The following PLEKHA5 variants were observed in gnomAD, a reference collection of about 807,000 sequenced individuals.
PLEKHA5 encodes the protein pleckstrin homology domain containing A5, also known as pleckstrin homology domain-containing family A member 5.
In PLEKHA5, 55 loss-of-function variants were observed where a neutral mutation model predicts 181.9. That is an observed-to-expected ratio of 0.30 (90% CI 0.24 to 0.38). The LOEUF is 0.38. PLEKHA5 is among the 10% of genes least tolerant of loss of function. The pLI is 1.00. For synonymous variants in PLEKHA5, 535 were observed against 529.4 expected (o/e 1.01, Z -0.15); for missense variants, 1,432 against 1,549.5 (o/e 0.92, Z 1.27).
rs528612387 is a variant in PLEKHA5 at position 19,270,153 on chromosome 12, C to T, written c.828-35C>T. ...GGTGTACTGGGGTGAATCCAGAATC[C>T]TAACATTCAAACTGAATGTTCTTTC... On this transcript the variant is annotated intron_variant, in intron 9 of 31. Coordinates refer to ENST00000429027, the MANE Select transcript of PLEKHA5 (RefSeq NM_001256470.2). 9.6e-6 allele frequency: 13 copies of T among 1,360,526 alleles called. No individual in the cohort carries two copies. The East Asian group carries it at 2.6e-4, about 27-fold the overall frequency. 84.3% of individuals were successfully genotyped at this position (1,360,526 alleles called of 1,614,324 possible).
chr12:19,133,890 A>C (rs1435980862), intron 3 of PLEKHA5, among the ~76,000 whole-genome samples: 3 of 152,010 alleles, frequency 2.0e-5, no homozygotes, highest in Non-Finnish European at 4.4e-5. Flanking sequence ...AAGTGAGTTG[A>C]TATTGCCACG....
chr12:19,362,551 A>G (rs911587022), intron 29 of PLEKHA5, among the ~76,000 whole-genome samples: 1 of 152,028 alleles, frequency 6.6e-6, no homozygotes, highest in Admixed American at 6.6e-5. Context: ...AAGGAAAAAA[A>G]AAGAAAATAC....
chr12:19,183,584 A>G (rs1384797251), intron 3 of PLEKHA5, among the ~76,000 whole-genome samples: 1 of 152,192 alleles, frequency 6.6e-6, no homozygotes, highest in African/African-American at 2.4e-5. Context: ...ACTGAGAAGC[A>G]AGTGGTTTGG....
chr12:19,169,540 C>G (rs952602547), intron 3 of PLEKHA5, among the ~76,000 whole-genome samples: 2 of 152,208 alleles, frequency 1.3e-5, no homozygotes, highest in Non-Finnish European at 2.9e-5. Flanking sequence ...TGAGAACAAG[C>G]TACCACATTA....
At chr12:19,260,721 A>C (rs568875382) in intron 6 of PLEKHA5, among the ~76,000 whole-genome samples, 40 of 152,128 alleles carry the variant, frequency 2.6e-4, no homozygotes, top group African/African-American at 8.4e-4. Flanking sequence ...TTAACCTGGC[A>C]TGGTGGCAGG....
chr12:19,354,485 G>A (rs1400847184), intron 26 of PLEKHA5, among the ~76,000 whole-genome samples: 6 of 109,580 alleles, frequency 5.5e-5, no homozygotes, highest in Admixed American at 2.9e-4. Flanking sequence ...AAAAAAAATT[G>A]TTTTTTTTTT....
intron 3 of PLEKHA5, chr12:19,201,355 T>C (rs1448805651): frequency 6.6e-6 from 1 of 152,040 alleles, no homozygotes; most frequent in African/African-American, 2.4e-5. Flanking sequence ...TTGCGGAGAA[T>C]GTGGAGAAAC....
chr12:19,217,955 G>A (rs999382093), intron 3 of PLEKHA5, among the ~76,000 whole-genome samples: 4 of 152,132 alleles, frequency 2.6e-5, no homozygotes, highest in African/African-American at 9.7e-5. Flanking sequence ...AAAATACAGT[G>A]TTTAAAACAA....
chr12:19,358,476 T>C, intron 27 of PLEKHA5, 39 bp downstream of exon 27: 1 of 1,365,784 alleles, frequency 7.3e-7, no homozygotes, highest in Non-Finnish European at 1.0e-6. Context: ...TGTGTAAATC[T>C]AGTATCACTG....
intron 18 of PLEKHA5, among the ~76,000 whole-genome samples, chr12:19,321,893 T>C (rs749267428): frequency 6.6e-6 from 1 of 152,184 alleles, no homozygotes; most frequent in Non-Finnish European, 1.5e-5. Flanking sequence ...TGAAATTTTA[T>C]TAGAATACTT....
Position 19,306,973 on chromosome 12 carries a change from C to CA in PLEKHA5, c.2038-7840dup, listed in dbSNP as rs1565596257. The CA allele has an allele frequency of 2.2e-6, 3 of 1,381,588 alleles. No homozygotes were observed. The Admixed American group carries it at 5.3e-5, about 25-fold the overall frequency. 85.6% of individuals were successfully genotyped at this position (1,381,588 alleles called of 1,614,324 possible). A position where few individuals can be genotyped will look rare whatever the true frequency, so the allele number is the denominator to read the frequency against. On this transcript the variant is annotated intron_variant, in intron 15 of 31. Coordinates refer to ENST00000429027, the MANE Select transcript of PLEKHA5 (RefSeq NM_001256470.2). ...CCTGCCTACTCCTAACCCACTTACT[C>CA]AGACTGGCGCTGTTCCACCGGCTGC...
At chr12:19,163,159 G>A (rs1298692828) in intron 3 of PLEKHA5, among the ~76,000 whole-genome samples, 1 of 151,806 alleles carries the variant, frequency 6.6e-6, no homozygotes, top group Non-Finnish European at 1.5e-5. Flanking sequence ...TAGTTAACCA[G>A]GATCCAGAAT....
intron 3 of PLEKHA5, among the ~76,000 whole-genome samples, chr12:19,241,527 C>T (rs952850407): frequency 6.6e-5 from 10 of 152,072 alleles, no homozygotes; most frequent in South Asian, 2.1e-4. Flanking sequence ...GAAGCCGAGG[C>T]GGGCGGATCA....
chr12:19,287,531 G>A lies in PLEKHA5; in HGVS notation c.1838G>A (p.Ser613Asn). 1.9e-6 allele frequency: 3 copies of A among 1,604,764 alleles called. No individual in the cohort carries two copies. Among genetic ancestry groups the A allele is most frequent in the Non-Finnish European group, 2.6e-6 (3 of 1,172,326 alleles). The change falls in exon 13 of 32, where the codon AGT (serine) becomes AAT (asparagine). Residue 613 changes from serine (S) to asparagine (N), a missense_variant. By Grantham distance (46) the Ser-to-Asn change is conservative. This residue lies in a region of PLEKHA5 where 1,143 missense variants were observed against 1,168.4 expected (regional missense o/e 0.98). Coordinates refer to ENST00000429027, the MANE Select transcript of PLEKHA5 (RefSeq NM_001256470.2). Reference protein sequence around the residue: ...VPAGLTLQSVSPQSLQGKTPE... With the variant: ...VPAGLTLQSVNPQSLQGKTPE... The stretch of plus-strand genomic sequence containing the variant: ...GCTGGCCTGACTTTACAGTCTGTTA[G>A]TCCCCAGAGCCTCCAAGGGAAAACG...
chr12:19,306,803 C>T, intron 15 of PLEKHA5: 2 of 836,526 alleles, frequency 2.4e-6, no homozygotes, highest in Non-Finnish European at 4.2e-6. Flanking sequence ...CAGCAGTTGT[C>T]GCACCATGTC....
chr12:19,304,396 A>C (rs1328395705), intron 15 of PLEKHA5, among the ~76,000 whole-genome samples: 1 of 152,164 alleles, frequency 6.6e-6, no homozygotes, highest in African/African-American at 2.4e-5. Context: ...GGCAGTTAAA[A>C]TCTCTTAATG....
chr12:19,238,503 A>G (rs748611320), intron 3 of PLEKHA5, among the ~76,000 whole-genome samples: 1 of 152,140 alleles, frequency 6.6e-6, no homozygotes. Flanking sequence ...TAAGTTGCAG[A>G]ATTTTCAGAT....
intron 15 of PLEKHA5, chr12:19,306,368 G>A (rs1293056353): frequency 6.1e-6 from 3 of 489,356 alleles, no homozygotes; most frequent in Non-Finnish European, 1.2e-5. Context: ...TCCAACTAGC[G>A]TGCTCTCTTC....
intron 15 of PLEKHA5, among the ~76,000 whole-genome samples, chr12:19,308,738 G>A (rs1033257734): frequency 3.9e-5 from 6 of 152,054 alleles, no homozygotes; most frequent in African/African-American, 1.4e-4. Flanking sequence ...AGTTCCATCT[G>A]GAAATGAGCA....
Sources: gnomAD v4.1 joint callset for allele counts (sites outside exome capture counted in the v4.1 genomes callset) on GRCh38, gnomAD v4.1.1 for gene constraint, gnomAD v4.1.1 regional missense constraint, MANE v1.5 for transcripts, NCBI Gene and HGNC (gene_info 2026-07-23, HGNC 2026-07-21) for gene names.